Variants in TTC17 observed in about 807,000 individuals in gnomAD.
TTC17 encodes the protein tetratricopeptide repeat domain 17.
A neutral mutation model predicts 143.8 loss-of-function variants in TTC17; 58 were observed. The ratio of observed to expected loss-of-function variants is 0.40; its 90% CI spans 0.33 to 0.50. The LOEUF is 0.50. Ranked by LOEUF, TTC17 falls within the 20% of genes least tolerant of loss-of-function variation. The pLI is 0.49. For missense variants in TTC17, 1,273 were observed against 1,392.5 expected (o/e 0.91, Z 1.37); for synonymous variants, 501 against 497.8 (o/e 1.01, Z -0.09).
At chr11:43,448,816 T>A (rs1947601391) in intron 19 of TTC17, 2 of 152,184 alleles carry the variant, frequency 1.3e-5, no homozygotes, top group Non-Finnish European at 2.9e-5. Flanking sequence ...TTGCCCACTC[T>A]CCATATTAAA....
chr11:43,359,577 G>A (rs1393570473), intron 1 of TTC17, among the ~76,000 whole-genome samples: 1 of 152,176 alleles, frequency 6.6e-6, no homozygotes, highest in Non-Finnish European at 1.5e-5. Flanking sequence ...TGGACCATTC[G>A]TGCTGCTCCC....
intron 21 of TTC17, among the ~76,000 whole-genome samples, chr11:43,456,444 A>C (rs976448425): frequency 6.6e-6 from 1 of 152,260 alleles, no homozygotes. Context: ...GAATTTAGTC[A>C]AATAACATTA....
intron 21 of TTC17, among the ~76,000 whole-genome samples, chr11:43,467,115 A>G (rs989902373): frequency 3.3e-5 from 5 of 152,238 alleles, no homozygotes; most frequent in African/African-American, 7.2e-5. Flanking sequence ...ACAGTATCAC[A>G]GTTTCTCAAA....
intron 21 of TTC17, among the ~76,000 whole-genome samples, chr11:43,459,746 T>A (rs1485808512): frequency 6.6e-6 from 1 of 152,246 alleles, no homozygotes; most frequent in Non-Finnish European, 1.5e-5. Flanking sequence ...GCTATATGCA[T>A]TCAGTAGCAA....
intron 21 of TTC17, among the ~76,000 whole-genome samples, chr11:43,471,672 A>G (rs1948095408): frequency 6.6e-6 from 1 of 152,252 alleles, no homozygotes; most frequent in Non-Finnish European, 1.5e-5. Flanking sequence ...ATGAGTATTC[A>G]CGGATAAAGT....
At chr11:43,391,680 A>G (rs1029502133) in intron 4 of TTC17, 104 bp downstream of exon 4, 9 of 1,291,042 alleles carry the variant, frequency 7.0e-6, no homozygotes, top group Non-Finnish European at 8.5e-6. Context: ...CCTTCCTGAC[A>G]GCTTTGTAAT....
Position 43,444,034 on chromosome 11 carries a change from C to T in TTC17, c.2512-22C>T, listed in dbSNP as rs770147226. The T allele has an allele frequency of 4.5e-5, 71 of 1,587,982 alleles. No individual in the cohort carries two copies. In the East Asian group the frequency reaches 1.5e-3, roughly 35 times the overall value. ...ATTTGATCACTGGTCTCATTTGTCC[C>T]TAACATGTTTCTGTTTCCCAGATTA... On this transcript the variant is annotated intron_variant, in intron 17 of 23. Transcript: ENST00000039989.
chr11:43,376,328 A>C (rs1216628753), intron 1 of TTC17, among the ~76,000 whole-genome samples: 1 of 152,216 alleles, frequency 6.6e-6, no homozygotes, highest in African/African-American at 2.4e-5. Flanking sequence ...ATAGAGCCTA[A>C]TTTCCAGATA....
chr11:43,477,309 A>C (rs942722625), intron 21 of TTC17, among the ~76,000 whole-genome samples: 1 of 152,082 alleles, frequency 6.6e-6, no homozygotes, highest in Admixed American at 6.5e-5. Context: ...AACTGTTCTA[A>C]TCTCTGCCTG....
intron 21 of TTC17, among the ~76,000 whole-genome samples, chr11:43,452,052 A>G (rs1440999404): frequency 1.3e-5 from 2 of 152,208 alleles, no homozygotes; most frequent in Non-Finnish European, 2.9e-5. Context: ...CACACAAAAA[A>G]CATACAGGAT....
chr11:43,481,924 C>T (rs1434884201), intron 21 of TTC17, among the ~76,000 whole-genome samples: 1 of 152,094 alleles, frequency 6.6e-6, no homozygotes, highest in East Asian at 1.9e-4. Context: ...ATTCTCGTGC[C>T]TCAGCCTTCT....
At chr11:43,384,016 G>A (rs1439150602) in intron 2 of TTC17, among the ~76,000 whole-genome samples, 5 of 152,000 alleles carry the variant, frequency 3.3e-5, no homozygotes, top group Admixed American at 2.0e-4. Context: ...ATGGTGGCAG[G>A]CACCTGTAGT....
At chr11:43,491,714 A>G (rs1213484897) in intron 22 of TTC17, 4 of 313,626 alleles carry the variant, frequency 1.3e-5, no homozygotes, top group Admixed American at 4.6e-5. Flanking sequence ...GCAGTCTGCA[A>G]TGAGACAAGG....
chr11:43,388,208 C>T lies in TTC17; in HGVS notation c.250-1444C>T, dbSNP rs546924456. On this transcript the variant is annotated intron_variant, in intron 2 of 23. Transcript: ENST00000039989. Reference sequence around the variant, plus strand: ...ATGTTTACAGGAAAATGGATAAATACATATTTATACATCCATTTAAATGAA... The same window carrying T: ...ATGTTTACAGGAAAATGGATAAATATATATTTATACATCCATTTAAATGAA... 2.2e-3 allele frequency among the ~76,000 whole-genome samples: 341 copies of T among 152,202 alleles called. 2 individuals are homozygous for T. The highest frequency in any genetic ancestry group is 7.8e-3 in the African/African-American group (323 of 41,538).
intron 1 of TTC17, among the ~76,000 whole-genome samples, chr11:43,360,062 G>A (rs1481197163): frequency 2.6e-5 from 4 of 152,168 alleles, no homozygotes; most frequent in Non-Finnish European, 4.4e-5. Flanking sequence ...ATGCAATTTA[G>A]CCCACTGATC....
At chr11:43,410,608 C>T (rs1858366015) in intron 15 of TTC17, among the ~76,000 whole-genome samples, 1 of 152,160 alleles carries the variant, frequency 6.6e-6, no homozygotes, top group Admixed American at 6.5e-5. Context: ...GAGAAGACTG[C>T]CCTTTTCCTG....
chr11:43,428,482 C>G lies in TTC17; in HGVS notation c.2251+13706C>G, dbSNP rs147227156. Among the ~76,000 whole-genome samples, 309 of 152,310 alleles carry G rather than the reference C, an allele frequency of 2.0e-3. 1 individual carries two copies. Among genetic ancestry groups the G allele is most frequent in the African/African-American group, 7.2e-3 (299 of 41,560 alleles). ...CCTGGATTCTTCATTAAAATAGTTT[C>G]TAACACAGCCTACATGTCATGGTAT... On this transcript the variant is annotated intron_variant, in intron 16 of 23. Coordinates refer to ENST00000039989, the MANE Select transcript of TTC17 (RefSeq NM_018259.6).
chr11:43,391,958 T>C lies in TTC17; in HGVS notation c.663+6T>C. On this transcript the variant is annotated splice_donor_region_variant and intron_variant, in intron 5 of 23. Coordinates refer to ENST00000039989, the MANE Select transcript of TTC17 (RefSeq NM_018259.6). ...TTCATGAAGGCCTACAGAAGGTAAG[T>C]CATCAGTCACTTAAAGAGCCAGCGG... is the stretch of plus-strand genomic sequence containing the variant. The C allele has an allele frequency of 6.2e-7, 1 of 1,600,930 alleles. No homozygotes were observed. Among genetic ancestry groups the C allele is most frequent in the Non-Finnish European group, 8.5e-7 (1 of 1,176,392 alleles).
rs777487814 is a variant in TTC17 at position 43,427,349 on chromosome 11, A to G, written c.2251+12573A>G. Among the ~76,000 whole-genome samples, 266 of 152,182 alleles carry G rather than the reference A, an allele frequency of 1.7e-3. 2 individuals carry two copies. The highest frequency in any genetic ancestry group is 1.6e-3 in the Non-Finnish European group (111 of 68,028). Reference sequence around the variant, plus strand: ...AATTGAGTGAAGCAGACTCACTGTAAGAGTGTGTGATTGAATCAGAAAGAT... The same window carrying G: ...AATTGAGTGAAGCAGACTCACTGTAGGAGTGTGTGATTGAATCAGAAAGAT... On this transcript the variant is annotated intron_variant, in intron 16 of 23. Transcript: ENST00000039989.
Sources: allele counts gnomAD v4.1 joint callset (sites outside exome capture counted in the v4.1 genomes callset), GRCh38; gene constraint gnomAD v4.1.1; transcripts MANE v1.5; gene names NCBI Gene and HGNC (gene_info 2026-07-23, HGNC 2026-07-21).